FAAH2: variants seen among roughly 807,000 people sequenced by gnomAD.
The protein encoded by FAAH2 is fatty acid amide hydrolase 2, also known as fatty-acid amide hydrolase 2.
FAAH2 carries 60 observed loss-of-function variants against 36.9 expected under a neutral mutation model. The observed-to-expected ratio is 1.63, with a 90% CI of 1.32 to 2.02. The LOEUF is 2.02. Among genes scored for constraint, FAAH2 ranks in the 30% most tolerant of loss-of-function variants. FAAH2 has a pLI of 0.00. For synonymous variants in FAAH2, 214 were observed against 143.8 expected (o/e 1.49, Z -3.49); for missense variants, 689 against 397.5 (o/e 1.73, Z -6.23).
chrX:57,474,831 C>T (rs747084369), intron 10 of FAAH2, among the ~76,000 whole-genome samples: 1 of 112,077 alleles, frequency 8.9e-6, no homozygotes, highest in East Asian at 2.8e-4. Flanking sequence ...AAAAGCATTT[C>T]TATTCCTCCA....
At chrX:57,145,826 A>C in the FAAH2 span, among the ~76,000 whole-genome samples, 1 of 110,829 alleles carries the variant, frequency 9.0e-6, no homozygotes, top group Non-Finnish European at 1.9e-5. Context: ...TCCTTTTCCC[A>C]CTTTATGTTT....
intron 5 of FAAH2, among the ~76,000 whole-genome samples, chrX:57,366,324 G>A (rs1202158972): frequency 8.9e-6 from 1 of 112,129 alleles, no homozygotes; most frequent in East Asian, 2.8e-4. Flanking sequence ...ACTCAGCTGA[G>A]CACTCCTGGG....
chrX:57,312,134 C>T (rs961701988), intron 3 of FAAH2, among the ~76,000 whole-genome samples: 2 of 112,474 alleles, frequency 1.8e-5, no homozygotes, highest in East Asian at 2.8e-4. Flanking sequence ...TCACAGGGGG[C>T]TCTCCCAAAT....
chrX:57,199,045 G>A, the FAAH2 span, among the ~76,000 whole-genome samples: 2 of 109,522 alleles, frequency 1.8e-5, no homozygotes, highest in African/African-American at 3.3e-5. Flanking sequence ...AGTTCTTGGA[G>A]CAAAAGTTCA....
At chrX:57,396,375 GT>G (rs151133925) in intron 7 of FAAH2, among the ~76,000 whole-genome samples, 2,593 of 84,039 alleles carry the variant, frequency 0.031, 25 homozygotes, top group African/African-American at 0.05. Flanking sequence ...TAGGTTTAGT[GT>G]TTTTTTTTTT....
chrX:57,151,313 G>T, the FAAH2 span, among the ~76,000 whole-genome samples: 1 of 111,853 alleles, frequency 8.9e-6, no homozygotes, highest in Non-Finnish European at 1.9e-5. Flanking sequence ...GGCCTGCCTT[G>T]CTAGATTGGG....
chrX:57,131,785 A>T, the FAAH2 span, among the ~76,000 whole-genome samples: 3 of 112,287 alleles, frequency 2.7e-5, no homozygotes, highest in East Asian at 8.3e-4. Flanking sequence ...ACCAAAAATA[A>T]ATATAGGAAA....
At chrX:57,156,984 A>G in the FAAH2 span, among the ~76,000 whole-genome samples, 1 of 112,440 alleles carries the variant, frequency 8.9e-6, no homozygotes, top group East Asian at 2.8e-4. Context: ...AACTTGTTCT[A>G]TCCCACCAGG....
At chrX:57,139,364 A>G in the FAAH2 span, among the ~76,000 whole-genome samples, 1 of 112,322 alleles carries the variant, frequency 8.9e-6, no homozygotes, top group South Asian at 3.7e-4. Flanking sequence ...TAAGTTGACT[A>G]TAAATGCATA....
chrX:57,143,290 T>G, the FAAH2 span, among the ~76,000 whole-genome samples: 3 of 110,792 alleles, frequency 2.7e-5, no homozygotes, highest in South Asian at 1.2e-3. Flanking sequence ...TTTTGCTTCA[T>G]GGATACGAGG....
the FAAH2 span, among the ~76,000 whole-genome samples, chrX:57,130,194 G>A: frequency 8.9e-6 from 1 of 112,173 alleles, no homozygotes; most frequent in Admixed American, 9.5e-5. Context: ...AAGGCATGAA[G>A]ATTGTTTTGT....
At chrX:57,215,715 A>ACAGG in the FAAH2 span, among the ~76,000 whole-genome samples, 37 of 110,014 alleles carry the variant, frequency 3.4e-4, no homozygotes, top group Middle Eastern at 9.3e-3. Context: ...TAACACGGGA[A>ACAGG]CAGGACACCA....
At chrX:57,303,793 C>CT (rs760378003) in intron 2 of FAAH2, among the ~76,000 whole-genome samples, 37 of 112,090 alleles carry the variant, frequency 3.3e-4, no homozygotes, top group African/African-American at 1.1e-3. Context: ...AATTGTCTCA[C>CT]TTTTTTTAAC....
intron 1 of FAAH2, among the ~76,000 whole-genome samples, chrX:57,289,069 G>C (rs1198793120): frequency 2.7e-5 from 3 of 111,988 alleles, no homozygotes; most frequent in African/African-American, 9.7e-5. Flanking sequence ...ATTTTACTTA[G>C]ATTTTTGTAA....
intron 2 of FAAH2, among the ~76,000 whole-genome samples, chrX:57,301,175 C>T (rs946305189): frequency 2.8e-5 from 3 of 109,003 alleles, no homozygotes; most frequent in Non-Finnish European, 3.8e-5. Context: ...ATGTTTATTG[C>T]AGCACTATTC....
the FAAH2 span, among the ~76,000 whole-genome samples, chrX:57,163,205 G>A: frequency 1.8e-5 from 2 of 112,065 alleles, no homozygotes; most frequent in African/African-American, 3.2e-5. Context: ...ACTTGAGGAG[G>A]CAGTCTGCCC....
At chrX:57,240,904 G>A in the FAAH2 span, among the ~76,000 whole-genome samples, 5 of 112,202 alleles carry the variant, frequency 4.5e-5, no homozygotes, top group African/African-American at 6.5e-5. Context: ...GATCACACTG[G>A]CCGCATCCTA....
chrX:57,206,062 T>A, the FAAH2 span, among the ~76,000 whole-genome samples: 463 of 111,742 alleles, frequency 4.1e-3, 2 homozygotes, highest in African/African-American at 0.014. Flanking sequence ...GTTGAAAAAA[T>A]TAGCAAATGT....
At chrX:57,237,225 T>C in the FAAH2 span, among the ~76,000 whole-genome samples, 1 of 111,791 alleles carries the variant, frequency 8.9e-6, no homozygotes, top group Non-Finnish European at 1.9e-5. Flanking sequence ...GTTTTTATTT[T>C]TATACAAGTA....
Sources: allele counts gnomAD v4.1 joint callset (sites outside exome capture counted in the v4.1 genomes callset), GRCh38; gene constraint gnomAD v4.1.1; transcripts MANE v1.5; gene names NCBI Gene and HGNC (gene_info 2026-07-23, HGNC 2026-07-21).